The following TPRG1 variants were observed in gnomAD, a reference collection of about 807,000 sequenced individuals.
TPRG1 encodes the protein tumor protein p63 regulated 1.
TPRG1 carries 29 observed loss-of-function variants against 29.3 expected under a neutral mutation model. The ratio of observed to expected loss-of-function variants is 0.99; its 90% CI spans 0.74 to 1.35. The LOEUF is 1.35. Ranked by LOEUF, TPRG1 falls within the 40% of genes most tolerant of loss-of-function variation. The pLI is 0.00. For missense variants in TPRG1, 327 were observed against 335.0 expected (o/e 0.98, Z 0.19); for synonymous variants, 130 against 116.8 (o/e 1.11, Z -0.73).
chr3:189,189,295 A>T (rs886930336), intron 1 of TPRG1, among the ~76,000 whole-genome samples: 2 of 152,146 alleles, frequency 1.3e-5, no homozygotes, highest in Non-Finnish European at 1.5e-5. Context: ...TTTAAAAAAA[A>T]TGCCATAGAT....
chr3:189,023,573 G>A (rs1338657406), intron 3 of TPRG1, among the ~76,000 whole-genome samples: 1 of 152,122 alleles, frequency 6.6e-6, no homozygotes, highest in Non-Finnish European at 1.5e-5. Context: ...GGAGGAAAGG[G>A]GGCACTCTGC....
chr3:189,183,468 C>A (rs1458468747), intron 1 of TPRG1, among the ~76,000 whole-genome samples: 1 of 151,964 alleles, frequency 6.6e-6, no homozygotes, highest in East Asian at 1.9e-4. Flanking sequence ...ACCAGTCTGA[C>A]CAAAATTTAT....
chr3:189,325,260 A>G lies in TPRG1; in HGVS notation c.*4440A>G, dbSNP rs1439920504. The G allele has an allele frequency of 6.6e-6, 1 of 151,166 alleles. No individual in the cohort carries two copies. Among genetic ancestry groups the G allele is most frequent in the Non-Finnish European group, 1.5e-5 (1 of 67,846 alleles). 9.4% of individuals were successfully genotyped at this position (151,166 alleles called of 1,614,324 possible). On this transcript the variant is annotated 3_prime_UTR_variant, in exon 6 of 6. Coordinates refer to ENST00000345063, the MANE Select transcript of TPRG1 (RefSeq NM_198485.4). ...ATATTTCATTGCAGGCCTGCTGCCAATGTGAAATATAAGGAATAAAGTCAT... is the reference window on the plus strand; with the variant it reads ...ATATTTCATTGCAGGCCTGCTGCCAGTGTGAAATATAAGGAATAAAGTCAT...
chr3:189,218,411 C>T (rs77177389), intron 3 of TPRG1, among the ~76,000 whole-genome samples: 10,278 of 152,190 alleles, frequency 0.068, 473 homozygotes, highest in Middle Eastern at 0.13. Flanking sequence ...CCATCGCGCC[C>T]GGCCGAGATT....
intron 4 of TPRG1, among the ~76,000 whole-genome samples, chr3:189,031,302 AG>A (rs55718462): frequency 0.22 from 2,883 of 13,376 alleles, 71 homozygotes; most frequent in South Asian, 0.3. Context: ...AAAAAAAAAA[AG>A]AAAAATTAAA....
intron 4 of TPRG1, among the ~76,000 whole-genome samples, chr3:189,035,069 G>A (rs1038988821): frequency 6.6e-6 from 1 of 152,020 alleles, no homozygotes; most frequent in Non-Finnish European, 1.5e-5. Context: ...AAACAGCATG[G>A]TACTAGTATA....
At chr3:189,133,779 C>A (rs898712942) in intron 3 of TPRG1, among the ~76,000 whole-genome samples, 1 of 152,142 alleles carries the variant, frequency 6.6e-6, no homozygotes, top group Non-Finnish European at 1.5e-5. Flanking sequence ...AAGAGAAGAT[C>A]TACAGGAGAG....
At chr3:189,209,716 G>A (rs143068561) in intron 2 of TPRG1, among the ~76,000 whole-genome samples, 6 of 152,296 alleles carry the variant, frequency 3.9e-5, no homozygotes, top group South Asian at 2.1e-4. Flanking sequence ...TCCTGACCAC[G>A]CACAGTAGAA....
At chr3:189,186,409 G>GT (rs1730923185) in intron 1 of TPRG1, among the ~76,000 whole-genome samples, 2 of 152,050 alleles carry the variant, frequency 1.3e-5, no homozygotes, top group Non-Finnish European at 2.9e-5. Context: ...ACCATTCGAT[G>GT]TTTTTTTCCT....
chr3:189,067,621 A>G (rs1157046928), intron 4 of TPRG1, among the ~76,000 whole-genome samples: 1 of 152,212 alleles, frequency 6.6e-6, no homozygotes, highest in East Asian at 1.9e-4. Flanking sequence ...ATCCATATGC[A>G]GAAGGATGAA....
chr3:189,275,373 A>G (rs1481609052), intron 4 of TPRG1, among the ~76,000 whole-genome samples: 1 of 152,204 alleles, frequency 6.6e-6, no homozygotes, highest in East Asian at 1.9e-4. Flanking sequence ...ATATACAGCT[A>G]TATTATAAGG....
intron 4 of TPRG1, among the ~76,000 whole-genome samples, chr3:189,038,539 T>C (rs552813418): frequency 3.3e-5 from 5 of 152,140 alleles, no homozygotes; most frequent in Admixed American, 3.3e-4. Flanking sequence ...TAATGGAAAG[T>C]ACCTTGGCAA....
chr3:189,023,460 G>A (rs75877747), intron 3 of TPRG1, among the ~76,000 whole-genome samples: 1,718 of 152,224 alleles, frequency 0.011, 15 homozygotes, highest in Non-Finnish European at 0.017. Context: ...TTAACTTAGC[G>A]AAGTTTGTTT....
chr3:189,287,612 T>C (rs1718293159), intron 4 of TPRG1, among the ~76,000 whole-genome samples: 1 of 152,120 alleles, frequency 6.6e-6, no homozygotes, highest in Non-Finnish European at 1.5e-5. Context: ...TTAGCCAGGA[T>C]GGTCTCGATC....
In TPRG1 at chr3:189,060,032, A is replaced by AGACCAACCT. The variant is rs567968752; in HGVS notation, c.-463+36097_-463+36105dup. Among the ~76,000 whole-genome samples, 25 of 152,308 alleles carry AGACCAACCT rather than the reference A, an allele frequency of 1.6e-4. 1 individual carries two copies. The South Asian group carries it at 5.2e-3, about 32-fold the overall frequency. On this transcript the variant is annotated intron_variant, in intron 4 of 10. Transcript: ENST00000433971. ...TGGATCACCTGAGGTCTGGAGTTTGAGACCAACCTGACCAACCTGGAGAAA... is the reference window on the plus strand; with the variant it reads ...TGGATCACCTGAGGTCTGGAGTTTGAGACCAACCTGACCAACCTGACCAACCTGGAGAAA...
At chr3:189,181,533 G>A (rs1214949914) in intron 1 of TPRG1, among the ~76,000 whole-genome samples, 1 of 152,130 alleles carries the variant, frequency 6.6e-6, no homozygotes, top group Non-Finnish European at 1.5e-5. Context: ...CAGTCTCTTT[G>A]CTAAAACATA....
intron 1 of TPRG1, among the ~76,000 whole-genome samples, chr3:189,174,610 G>A (rs1729241549): frequency 6.6e-6 from 1 of 152,172 alleles, no homozygotes; most frequent in African/African-American, 2.4e-5. Flanking sequence ...CAGGGAAGAG[G>A]TGAAGTTAAT....
At chr3:189,217,530 C>T (rs1295405991) in intron 3 of TPRG1, among the ~76,000 whole-genome samples, 4 of 152,152 alleles carry the variant, frequency 2.6e-5, no homozygotes, top group African/African-American at 7.2e-5. Flanking sequence ...TTTTGGTCTT[C>T]TCTCTGCCAA....
Position 189,149,077 on chromosome 3 carries a change from T to G in TPRG1, c.-227+1430T>G, listed in dbSNP as rs73055412. Among the ~76,000 whole-genome samples the G allele has an allele frequency of 5.2e-3, 797 of 152,322 alleles. 7 individuals are homozygous for G. The highest frequency in any genetic ancestry group is 0.018 in the African/African-American group (749 of 41,570). ...AGGTATCCATAAAGTAGGTTCTAGA[T>G]CTTTTTCTATCTCAGCGCTGTTCTC... On this transcript the variant is annotated intron_variant, in intron 4 of 6. Transcript: ENST00000412373.
Sources: allele counts gnomAD v4.1 joint callset (sites outside exome capture counted in the v4.1 genomes callset), GRCh38; gene constraint gnomAD v4.1.1; transcripts MANE v1.5; gene names NCBI Gene and HGNC (gene_info 2026-07-23, HGNC 2026-07-21).